The following METTL4 variants were observed in gnomAD, a reference collection of about 807,000 sequenced individuals.
METTL4 encodes methyltransferase 4, N6-adenosine.
In METTL4, 40 loss-of-function variants were observed where a neutral mutation model predicts 54.0. The observed-to-expected ratio is 0.74, with a 90% CI of 0.58 to 0.96. METTL4 has a LOEUF of 0.96. METTL4 is among the 50% of genes least tolerant of loss of function. The pLI, the probability that METTL4 is intolerant of heterozygous loss-of-function variation, is 0.00. For synonymous variants in METTL4, 169 were observed against 183.8 expected (o/e 0.92, Z 0.65); for missense variants, 525 against 549.0 (o/e 0.96, Z 0.44).
rs9948895 is a variant in METTL4, at chr18:2,557,927, C to A, written c.460-2889G>T. ...TGACAGGGGTACTGGGTAATTAGAC[C>A]GATCTTGCATCAGTATAGGGGCATA... On this transcript the variant is annotated intron_variant, in intron 3 of 8. Coordinates refer to ENST00000574538, the MANE Select transcript of METTL4 (RefSeq NM_022840.5). Among the ~76,000 whole-genome samples, 7 of 152,054 alleles carry A rather than the reference C, an allele frequency of 4.6e-5. No homozygotes were observed. In the East Asian group the frequency reaches 9.7e-4, roughly 21 times the overall value.
intron 3 of METTL4, chr18:2,555,609 T>C (rs1233789516): frequency 3.3e-5 from 5 of 152,130 alleles, no homozygotes; most frequent in Non-Finnish European, 7.3e-5. Context: ...TCACAAAACA[T>C]AGCTTGAATT....
intron 8 of METTL4, among the ~76,000 whole-genome samples, chr18:2,542,178 G>A (rs1343692561): frequency 2.6e-5 from 4 of 151,438 alleles, no homozygotes; most frequent in Admixed American, 2.0e-4. Context: ...GATATAAGCT[G>A]TAATGCTTTA....
intron 2 of METTL4, among the ~76,000 whole-genome samples, chr18:2,566,387 A>C (rs2072418700): frequency 6.6e-6 from 1 of 152,176 alleles, no homozygotes; most frequent in South Asian, 2.1e-4. Context: ...TCTCCAAGGG[A>C]TAGCTCTCTA....
chr18:2,539,879 G>A lies in METTL4; in HGVS notation c.1274-734C>T, dbSNP rs2071969887. 6 of 931,334 alleles carry A rather than the reference G, an allele frequency of 6.4e-6. No homozygotes were observed. In the South Asian group the frequency reaches 2.0e-4, roughly 31 times the overall value. The allele number at this position is 931,334 out of a possible 1,614,324, so 57.7% of individuals were successfully genotyped here. A position where few individuals can be genotyped will look rare whatever the true frequency, so the allele number is the denominator to read the frequency against. ...AAAAAAAAAAGACAAAAGTCTGTCT[G>A]CAATATAAACTTTAATAAAATAATA... On this transcript the variant is annotated intron_variant, in intron 8 of 8. Coordinates refer to ENST00000574538, the MANE Select transcript of METTL4 (RefSeq NM_022840.5).
rs919860576 is a variant in METTL4, at chr18:2,571,447, G to C, written c.-737C>G. ...ACTGGCCCACAGACCCCAGTTCCTG[G>C]GGTGACGCAGCTGGGCGCGACCAGC... On this transcript the variant is annotated 5_prime_UTR_variant, in exon 1 of 9. Transcript: ENST00000574538. 2.0e-5 allele frequency: 3 copies of C among 152,238 alleles called. No homozygotes were observed. Among genetic ancestry groups the C allele is most frequent in the Non-Finnish European group, 4.4e-5 (3 of 68,046 alleles). The allele number at this position is 152,238 out of a possible 1,614,324, so 9.4% of individuals were successfully genotyped here.
In METTL4 at chr18:2,537,916, G is replaced by C; in HGVS notation, c.*1084C>G. On this transcript the variant is annotated 3_prime_UTR_variant, in exon 9 of 9. Coordinates refer to ENST00000574538, the MANE Select transcript of METTL4 (RefSeq NM_022840.5). ...TGCCAGGGGCCAAGGATAGGAGCAG[G>C]GGATTGACTGCAAAAGGAAAAATGA... 2.5e-6 allele frequency: 1 copy of C among 398,484 alleles called. No individual in the cohort carries two copies. Among genetic ancestry groups the C allele is most frequent in the Non-Finnish European group, 4.4e-6 (1 of 226,018 alleles). The allele number at this position is 398,484 out of a possible 1,614,324, so 24.7% of individuals were successfully genotyped here.
chr18:2,542,381 A>G (rs2072005521), intron 8 of METTL4, among the ~76,000 whole-genome samples: 1 of 116,088 alleles, frequency 8.6e-6, no homozygotes, highest in Non-Finnish European at 1.7e-5. Context: ...AACAGTCCCC[A>G]GAGTGTGATG....
intron 7 of METTL4, 123 bp from the exon 8 acceptor site, chr18:2,544,409 TGAAA>T (rs1248618649): frequency 7.1e-6 from 5 of 706,204 alleles, no homozygotes; most frequent in Non-Finnish European, 1.1e-5. Context: ...TTACAATCAA[TGAAA>T]GAAATTAACA....
At chr18:2,560,890 C>A (rs1242589969) in intron 3 of METTL4, among the ~76,000 whole-genome samples, 2 of 151,878 alleles carry the variant, frequency 1.3e-5, no homozygotes, top group African/African-American at 4.8e-5. Flanking sequence ...AAAAGAAAAT[C>A]CAGTAGAACA....
rs1178916769 is a variant in METTL4, at chr18:2,540,755, T to G, written c.1274-1610A>C. 4 of 985,316 alleles carry G rather than the reference T, an allele frequency of 4.1e-6. No individual in the cohort carries two copies. In the African/African-American group the frequency reaches 7.0e-5, roughly 17 times the overall value. 61.0% of individuals were successfully genotyped at this position (985,316 alleles called of 1,614,324 possible). ...ATTTTCTTCCCATGAATTTAACGCC[T>G]CACCAGCCTCAGTTCACTTTAATGT... is the stretch of plus-strand genomic sequence containing the variant. On this transcript the variant is annotated intron_variant, in intron 8 of 8. Transcript: ENST00000574538.
At chr18:2,539,863 A>T in intron 8 of METTL4, 1 of 939,948 alleles carries the variant, frequency 1.1e-6, no homozygotes, top group Non-Finnish European at 1.3e-6. Flanking sequence ...AAAAAAAAAA[A>T]GACAAAAGTC....
At chr18:2,552,996 G>C in intron 4 of METTL4, 1 of 444,072 alleles carries the variant, frequency 2.3e-6, no homozygotes, top group East Asian at 4.0e-5. Flanking sequence ...TTGTTGCAGA[G>C]ACTATCTGCA....
rs915434868 is a variant in METTL4, at chr18:2,538,094, T to C, written c.*906A>G. Reference sequence around the variant, plus strand: ...CAATTTTTAAAAAGTCAATACATAATAAATCAATATGCATTTCAAAGAATC... The same window carrying C: ...CAATTTTTAAAAAGTCAATACATAACAAATCAATATGCATTTCAAAGAATC... On this transcript the variant is annotated 3_prime_UTR_variant, in exon 9 of 9. Transcript: ENST00000574538. 1 of 395,646 alleles carries C rather than the reference T, an allele frequency of 2.5e-6. No homozygotes were observed. The highest frequency in any genetic ancestry group is 2.1e-5 in the African/African-American group (1 of 48,582). The allele number at this position is 395,646 out of a possible 1,614,324, so 24.5% of individuals were successfully genotyped here. A position where few individuals can be genotyped will look rare whatever the true frequency, so the allele number is the denominator to read the frequency against.
At chr18:2,552,840 C>A in intron 4 of METTL4, 76 bp from the exon 5 acceptor site, 1 of 931,204 alleles carries the variant, frequency 1.1e-6, no homozygotes, top group South Asian at 1.4e-5. Flanking sequence ...TTCTTCAAAA[C>A]TCAAGTGATT....
At chr18:2,563,747 A>G (rs768291098) in intron 3 of METTL4, 50 bp downstream of exon 3, 3 of 1,322,422 alleles carry the variant, frequency 2.3e-6, no homozygotes, top group Admixed American at 2.1e-5. Flanking sequence ...TTTATTTTCT[A>G]CTACTTCACA....
chr18:2,553,038 T>C (rs896855071), intron 4 of METTL4: 5 of 299,040 alleles, frequency 1.7e-5, no homozygotes, highest in Admixed American at 5.1e-5. Context: ...TGAACACTAA[T>C]GATCTGTGAA....
intron 4 of METTL4, 48 bp from the exon 5 acceptor site, chr18:2,552,812 C>T: frequency 2.4e-6 from 3 of 1,238,878 alleles, no homozygotes; most frequent in Non-Finnish European, 3.5e-6. Context: ...TATGTGATCA[C>T]TTTAAAAACT....
chr18:2,549,819 TAAAAA>T (rs397758263), intron 5 of METTL4, among the ~76,000 whole-genome samples: 1 of 79,066 alleles, frequency 1.3e-5, no homozygotes, highest in East Asian at 4.2e-4. Flanking sequence ...CCATCTCTAC[TAAAAA>T]AAAAAAAAAA....
chr18:2,548,558 A>G (rs1370697213), intron 5 of METTL4, among the ~76,000 whole-genome samples: 1 of 152,230 alleles, frequency 6.6e-6, no homozygotes, highest in African/African-American at 2.4e-5. Context: ...TATAATGTAT[A>G]TACTTCAACT....
Sources: allele counts gnomAD v4.1 joint callset (sites outside exome capture counted in the v4.1 genomes callset), GRCh38; gene constraint gnomAD v4.1.1; transcripts MANE v1.5; gene names NCBI Gene and HGNC (gene_info 2026-07-23, HGNC 2026-07-21).